IPO7: variants seen among roughly 807,000 people sequenced by gnomAD.
IPO7 encodes the protein importin-7.
Under a neutral mutation model 136.4 loss-of-function variants are expected in IPO7, and 13 were observed. That is an observed-to-expected ratio of 0.10 (90% CI 0.06 to 0.15). IPO7 has a LOEUF of 0.15. Among genes scored for constraint, IPO7 ranks in the 10% least tolerant of loss-of-function variants. IPO7 has a pLI of 1.00. For synonymous variants in IPO7, 403 were observed against 404.4 expected (o/e 1.00, Z 0.04); for missense variants, 857 against 1,240.6 (o/e 0.69, Z 4.65).
intron 8 of IPO7, 146 bp downstream of exon 8, chr11:9,420,844 T>C (rs1855116791): frequency 1.0e-5 from 6 of 598,730 alleles, no homozygotes; most frequent in Non-Finnish European, 1.5e-5. Context: ...TCAGGATCTC[T>C]TTATGTTCAA....
intron 20 of IPO7, among the ~76,000 whole-genome samples, chr11:9,437,375 C>A (rs1252784079): frequency 6.9e-6 from 1 of 144,376 alleles, no homozygotes; most frequent in Non-Finnish European, 1.6e-5. Context: ...CTTCCTCAGC[C>A]TCCCAAGTAG....
intron 1 of IPO7, among the ~76,000 whole-genome samples, chr11:9,398,088 G>A (rs1854741005): frequency 6.6e-6 from 1 of 152,210 alleles, no homozygotes; most frequent in African/African-American, 2.4e-5. Context: ...AGTGTGGATA[G>A]TAGTGTCCTT....
At chr11:9,425,074 A>G in intron 11 of IPO7, 72 bp from the exon 12 acceptor site, 1 of 1,296,332 alleles carries the variant, frequency 7.7e-7, no homozygotes, top group Admixed American at 1.8e-5. Context: ...TAGTCATGTG[A>G]GTCATTTTGT....
intron 15 of IPO7, 131 bp from the exon 16 acceptor site, chr11:9,430,744 C>A: frequency 1.4e-6 from 1 of 707,062 alleles, no homozygotes; most frequent in Non-Finnish European, 2.3e-6. Flanking sequence ...TCTTTATTAT[C>A]ATTAATCAAT....
At position 9,419,540 on chromosome 11, in the gene IPO7, C is replaced by G. The variant is rs542562782; in HGVS notation, c.727-871C>G. 1.1e-4 allele frequency among the ~76,000 whole-genome samples: 10 copies of G among 87,024 alleles called. No individual in the cohort carries two copies. The South Asian group carries it at 3.5e-3, about 30-fold the overall frequency. 57.1% of individuals were successfully genotyped at this position (87,024 alleles called of 152,430 possible). A position where few individuals can be genotyped will look rare whatever the true frequency, so the allele number is the denominator to read the frequency against. ...TCCAGCCTGGCAACAGAGTGAGACT[C>G]TGTCTAAAAAAAAAAAAAAATATAT... On this transcript the variant is annotated intron_variant, in intron 6 of 24. Transcript: ENST00000379719.
At chr11:9,415,447 G>A (rs926202334) in intron 5 of IPO7, among the ~76,000 whole-genome samples, 15 of 152,064 alleles carry the variant, frequency 9.9e-5, no homozygotes, top group African/African-American at 1.4e-4. Context: ...TAAACTTGTC[G>A]CAAAAATACT....
At chr11:9,396,361 A>C (rs775271908) in intron 1 of IPO7, among the ~76,000 whole-genome samples, 2 of 152,164 alleles carry the variant, frequency 1.3e-5, no homozygotes, top group Non-Finnish European at 1.5e-5. Flanking sequence ...GCGCCACTGC[A>C]CTCCGGCCAG....
At chr11:9,385,577 C>T (rs549535265) in intron 1 of IPO7, among the ~76,000 whole-genome samples, 2 of 152,284 alleles carry the variant, frequency 1.3e-5, no homozygotes, top group East Asian at 1.9e-4. Context: ...GACCTTGGGC[C>T]AGTCGCTTAA....
At chr11:9,392,171 C>CTTTTTTT (rs59866244) in intron 1 of IPO7, 331 of 185,106 alleles carry the variant, frequency 1.8e-3, no homozygotes, top group South Asian at 4.2e-3. Flanking sequence ...TTGTCAAATT[C>CTTTTTTT]TTTTTTTTTT....
chr11:9,430,700 C>T, intron 15 of IPO7, 175 bp from the exon 16 acceptor site: 2 of 584,324 alleles, frequency 3.4e-6, no homozygotes, highest in East Asian at 2.9e-5. Flanking sequence ...TAAGGTCACC[C>T]AATGAGCAGA....
chr11:9,404,809 G>A (rs1854857414), intron 2 of IPO7, among the ~76,000 whole-genome samples: 1 of 151,982 alleles, frequency 6.6e-6, no homozygotes, highest in South Asian at 2.1e-4. Context: ...CTCGTGATCT[G>A]CCTGCCTTGG....
intron 9 of IPO7, 133 bp downstream of exon 9, chr11:9,423,273 T>C (rs1855159316): frequency 3.7e-6 from 2 of 546,074 alleles, no homozygotes; most frequent in Admixed American, 6.2e-5. Context: ...TTTGAGAGTA[T>C]AGCAGAAAAA....
chr11:9,388,324 T>C (rs12790938), intron 1 of IPO7, among the ~76,000 whole-genome samples: 76,606 of 150,336 alleles, frequency 0.51, 21,994 homozygotes, highest in Non-Finnish European at 0.65. Flanking sequence ...ATTACAGGCG[T>C]TTGCCACCAC....
chr11:9,410,555 G>A (rs1332070946), intron 4 of IPO7, among the ~76,000 whole-genome samples: 1 of 150,150 alleles, frequency 6.7e-6, no homozygotes, highest in Non-Finnish European at 1.5e-5. Context: ...TCTTTAATCA[G>A]TGTGTTTTGG....
In IPO7 at chr11:9,438,070, T is replaced by TTTTTTTTTTTTTTTG; in HGVS notation, c.2490-3_2490-2insTTTTTTTGTTTTTTT. ...GTTTTTTTTTTTTTTTTTTTTTTTT[T>TTTTTTTTTTTTTTTG]TTTTTTTAGGCTTCATGACAGAAAG... On this transcript the variant is annotated splice_polypyrimidine_tract_variant and intron_variant, in intron 21 of 24. Coordinates refer to ENST00000379719, the MANE Select transcript of IPO7 (RefSeq NM_006391.3). 1 of 1,300,402 alleles carries TTTTTTTTTTTTTTTG rather than the reference T, an allele frequency of 7.7e-7. No individual in the cohort carries two copies. The highest frequency in any genetic ancestry group is 1.0e-6 in the Non-Finnish European group (1 of 957,318). The allele number at this position is 1,300,402 out of a possible 1,614,324, so 80.6% of individuals were successfully genotyped here. A position where few individuals can be genotyped will look rare whatever the true frequency, so the allele number is the denominator to read the frequency against.
Position 9,427,365 on chromosome 11 carries a change from A to G in IPO7, c.1336-1175A>G, listed in dbSNP as rs1055079386. On this transcript the variant is annotated intron_variant, in intron 12 of 24. Coordinates refer to ENST00000379719, the MANE Select transcript of IPO7 (RefSeq NM_006391.3). ...AACCTCCACCTCCTGAGTTCAAGCG[A>G]TTCTCCTGCCTCAGCCTCCCGAGTA... is the stretch of plus-strand genomic sequence containing the variant. Among the ~76,000 whole-genome samples the G allele has an allele frequency of 2.6e-5, 4 of 152,104 alleles. No homozygotes were observed. The South Asian group carries it at 8.3e-4, about 32-fold the overall frequency.
At position 9,408,239 on chromosome 11, in the gene IPO7, C is replaced by T. The variant is rs76873281; in HGVS notation, c.167-247C>T. On this transcript the variant is annotated intron_variant, in intron 2 of 24. Coordinates refer to ENST00000379719, the MANE Select transcript of IPO7 (RefSeq NM_006391.3). ...TGACGTTAAAAAAAAACAGTTTTCT[C>T]TGGGGTTGTTTATTTGCAGAGTTTT... Among the ~76,000 whole-genome samples the T allele has an allele frequency of 1.0e-3, 154 of 152,188 alleles. 1 individual carries two copies. Among genetic ancestry groups the T allele is most frequent in the African/African-American group, 3.4e-3 (141 of 41,536 alleles).
At chr11:9,418,715 G>A (rs1402121629) in intron 6 of IPO7, among the ~76,000 whole-genome samples, 3 of 151,708 alleles carry the variant, frequency 2.0e-5, no homozygotes, top group Admixed American at 6.6e-5. Context: ...TTTATAATCC[G>A]TGCACCGATT....
intron 1 of IPO7, among the ~76,000 whole-genome samples, chr11:9,391,268 G>A (rs950078452): frequency 5.9e-5 from 9 of 151,912 alleles, no homozygotes; most frequent in African/African-American, 1.9e-4. Flanking sequence ...GTGTGGTGGT[G>A]GGTGCCTGTA....
Sources: allele counts gnomAD v4.1 joint callset (sites outside exome capture counted in the v4.1 genomes callset), GRCh38; gene constraint gnomAD v4.1.1; transcripts MANE v1.5; gene names NCBI Gene and HGNC (gene_info 2026-07-23, HGNC 2026-07-21).